COLGALT2: variants seen among roughly 807,000 people sequenced by gnomAD.
COLGALT2 encodes procollagen galactosyltransferase 2.
In COLGALT2, 49 loss-of-function variants were observed where a neutral mutation model predicts 73.4. The observed-to-expected ratio is 0.67, with a 90% CI of 0.53 to 0.85. The LOEUF (loss-of-function observed/expected upper bound fraction) is 0.85. COLGALT2 is among the 40% of genes least tolerant of loss of function. The pLI is 0.00. For synonymous variants in COLGALT2, 295 were observed against 307.6 expected, an observed-to-expected ratio of 0.96 and a Z score of 0.43; for missense variants, 722 against 790.2, an observed-to-expected ratio of 0.91 and a Z score of 1.03.
At chr1:183,969,494 G>A in intron 4 of COLGALT2, 21 bp from the exon 5 acceptor site, 1 of 1,580,770 alleles carries the variant, frequency 6.3e-7, no homozygotes, top group Non-Finnish European at 8.6e-7. Context: ...GCAAATAGGT[G>A]GGTTGTGTTT....
At chr1:183,960,065 C>T (rs1670656851) in intron 6 of COLGALT2, among the ~76,000 whole-genome samples, 3 of 152,172 alleles carry the variant, frequency 2.0e-5, no homozygotes, top group Admixed American at 1.3e-4. Context: ...TTGTTCACTG[C>T]TTTATGCCCA....
chr1:184,016,061 A>G (rs941251157), intron 1 of COLGALT2, among the ~76,000 whole-genome samples: 2 of 152,220 alleles, frequency 1.3e-5, no homozygotes, highest in Non-Finnish European at 2.9e-5. Context: ...GTGGTTTCTG[A>G]GGCCATACAC....
At chr1:183,983,360 C>T (rs1572656352) in intron 1 of COLGALT2, among the ~76,000 whole-genome samples, 1 of 152,162 alleles carries the variant, frequency 6.6e-6, no homozygotes, top group Non-Finnish European at 1.5e-5. Flanking sequence ...GCTCCTCCTC[C>T]CCAATGTCAA....
intron 1 of COLGALT2, among the ~76,000 whole-genome samples, chr1:184,021,678 C>T (rs1649186773): frequency 6.6e-6 from 1 of 152,172 alleles, no homozygotes; most frequent in South Asian, 2.1e-4. Flanking sequence ...ACAAAACAGA[C>T]TAAGACAGTG....
chr1:183,996,145 A>T (rs1023995462), intron 1 of COLGALT2, among the ~76,000 whole-genome samples: 2 of 152,348 alleles, frequency 1.3e-5, no homozygotes, highest in Non-Finnish European at 2.9e-5. Flanking sequence ...AATGTTAGGA[A>T]ATAAACAGCT....
intron 1 of COLGALT2, among the ~76,000 whole-genome samples, chr1:184,034,998 CAG>C (rs2102865287): frequency 6.6e-6 from 1 of 152,270 alleles, no homozygotes; most frequent in South Asian, 2.1e-4. Context: ...GTTTTAAAGA[CAG>C]AACCAAAATT....
At chr1:183,990,588 G>T (rs1671604719) in intron 1 of COLGALT2, among the ~76,000 whole-genome samples, 1 of 152,214 alleles carries the variant, frequency 6.6e-6, no homozygotes, top group Admixed American at 6.5e-5. Context: ...AGAAAGGTGT[G>T]GGAAGGGCCA....
chr1:184,008,866 C>G (rs113718730), intron 1 of COLGALT2, among the ~76,000 whole-genome samples: 1 of 152,006 alleles, frequency 6.6e-6, no homozygotes, highest in Admixed American at 6.6e-5. Context: ...CAAACTATCT[C>G]AAATAATTAA....
At chr1:183,975,418 C>A (rs7528050) in intron 2 of COLGALT2, among the ~76,000 whole-genome samples, 1,908 of 152,218 alleles carry the variant, frequency 0.013, 39 homozygotes, top group African/African-American at 0.043. Flanking sequence ...ATACAAGAAT[C>A]TTTACATGAA....
chr1:183,964,016 G>T lies in COLGALT2; in HGVS notation c.837C>A (p.Ile279=). The T allele has an allele frequency of 6.2e-7, 1 of 1,613,068 alleles. No individual in the cohort carries two copies. The highest frequency in any genetic ancestry group is 8.5e-7 in the Non-Finnish European group (1 of 1,179,522). Residue 279 remains isoleucine, a synonymous_variant, in exon 6 of 12, where the codon ATC becomes ATA. Coordinates refer to ENST00000361927, the MANE Select transcript of COLGALT2 (RefSeq NM_015101.4). ...VFAFSSRQAG[I]QMYLCNREHY... ...GCTCTCTGTTGCAGAGGTACATCTG[G>T]ATGCCTGAGGATCCAAGAGAGGGAC... is the stretch of plus-strand genomic sequence containing the variant.
intron 1 of COLGALT2, among the ~76,000 whole-genome samples, chr1:183,982,808 A>G (rs190790570): frequency 1.7e-3 from 260 of 152,312 alleles, no homozygotes; most frequent in African/African-American, 5.9e-3. Flanking sequence ...TCTCTTAAAA[A>G]AAATAGTCTA....
intron 8 of COLGALT2, chr1:183,946,643 A>G (rs1670257086): frequency 6.6e-6 from 1 of 152,236 alleles, no homozygotes; most frequent in Non-Finnish European, 1.5e-5. Flanking sequence ...ATCAGCAATG[A>G]CAAGAGAGCT....
intron 1 of COLGALT2, among the ~76,000 whole-genome samples, chr1:183,993,990 C>A (rs542677340): frequency 1.1e-4 from 16 of 139,396 alleles, no homozygotes; most frequent in Non-Finnish European, 1.8e-4. Context: ...GACAAGGATT[C>A]AGTAAAATAA....
At chr1:183,939,080 G>A in intron 11 of COLGALT2, 43 bp from the exon 12 acceptor site, 1 of 1,497,866 alleles carries the variant, frequency 6.7e-7, no homozygotes, top group South Asian at 1.2e-5. Flanking sequence ...GGGCGGAAAG[G>A]AGACTTACGG....
At chr1:183,947,903 AG>A (rs1470142083) in intron 8 of COLGALT2, among the ~76,000 whole-genome samples, 2 of 152,186 alleles carry the variant, frequency 1.3e-5, no homozygotes, top group African/African-American at 2.4e-5. Context: ...AGAATGAAAG[AG>A]GGGTCACTCC....
intron 6 of COLGALT2, 130 bp from the exon 7 acceptor site, chr1:183,954,968 G>A: frequency 1.4e-6 from 1 of 702,740 alleles, no homozygotes; most frequent in Non-Finnish European, 2.6e-6. Flanking sequence ...AATGGCAGCA[G>A]TTCTCCAGGA....
At chr1:184,023,650 G>C (rs539674549) in intron 1 of COLGALT2, among the ~76,000 whole-genome samples, 5,046 of 151,968 alleles carry the variant, frequency 0.033, 299 homozygotes, top group African/African-American at 0.11. Context: ...AGGTGGGGGG[G>C]GGGGGCGGTG....
chr1:183,967,808 T>C (rs1670921780), intron 5 of COLGALT2, among the ~76,000 whole-genome samples: 1 of 152,196 alleles, frequency 6.6e-6, no homozygotes, highest in Admixed American at 6.5e-5. Context: ...ACAGACCAAC[T>C]GAAAGAAGGA....
chr1:183,984,732 C>T (rs150774131), intron 1 of COLGALT2, among the ~76,000 whole-genome samples: 2 of 152,352 alleles, frequency 1.3e-5, no homozygotes, highest in Admixed American at 1.3e-4. Flanking sequence ...TCTGCTTTCC[C>T]TCTGATTCTG....
Sources: allele counts gnomAD v4.1 joint callset (sites outside exome capture counted in the v4.1 genomes callset), GRCh38; gene constraint gnomAD v4.1.1; transcripts MANE v1.5; gene names NCBI Gene and HGNC (gene_info 2026-07-23, HGNC 2026-07-21).